WDR17: variants seen among roughly 807,000 people sequenced by gnomAD.
WDR17 encodes WD repeat-containing protein 17.
Under a neutral mutation model 161.7 loss-of-function variants are expected in WDR17, and 143 were observed. The observed-to-expected ratio is 0.88, with a 90% CI of 0.77 to 1.02. WDR17 has a LOEUF of 1.02. Ranked by LOEUF, WDR17 falls within the 50% of genes least tolerant of loss-of-function variation. WDR17 has a pLI of 0.00. For missense variants in WDR17, 1,469 were observed against 1,520.9 expected, an observed-to-expected ratio of 0.97 and a Z score of 0.57; for synonymous variants, 517 against 515.6, an observed-to-expected ratio of 1.00 and a Z score of -0.04.
At position 176,076,330 on chromosome 4, in the gene WDR17, T is replaced by C. The variant is rs147588627; in HGVS notation, c.-7+10251T>C. The stretch of plus-strand genomic sequence containing the variant: ...TGTATATATTTAAGCAAAATATGTA[T>C]ATTGCTTAAAACAAAAGCACTTTTG... On this transcript the variant is annotated intron_variant, in intron 1 of 28. Transcript: ENST00000508596. 3.8e-3 allele frequency among the ~76,000 whole-genome samples: 554 copies of C among 146,020 alleles called. 7 individuals carry two copies. Among genetic ancestry groups the C allele is most frequent in the African/African-American group, 0.013 (536 of 39,906 alleles).
At chr4:176,112,495 C>T (rs6850091) in intron 2 of WDR17, among the ~76,000 whole-genome samples, 32,248 of 152,064 alleles carry the variant, frequency 0.21, 3,614 homozygotes, top group South Asian at 0.27. Flanking sequence ...CTTCCTGCCT[C>T]TCTCTTACTC....
At chr4:176,100,284 G>A (rs540806839) in intron 1 of WDR17, among the ~76,000 whole-genome samples, 1 of 152,106 alleles carries the variant, frequency 6.6e-6, no homozygotes, top group East Asian at 1.9e-4. Context: ...CTGAGTGGTG[G>A]AAGATTATAT....
intron 6 of WDR17, among the ~76,000 whole-genome samples, chr4:176,130,744 C>CAA (rs1241265294): frequency 1.4e-3 from 98 of 71,818 alleles, no homozygotes; most frequent in African/African-American, 3.2e-3. Context: ...GACTCCGTCT[C>CAA]AAAAAAAAAA....
At chr4:176,158,246 A>C (rs1748468761) in intron 18 of WDR17, among the ~76,000 whole-genome samples, 1 of 152,198 alleles carries the variant, frequency 6.6e-6, no homozygotes, top group Admixed American at 6.5e-5. Flanking sequence ...GTTAGAAGGC[A>C]ATTAGAATAG....
At chr4:176,130,081 G>A (rs974893998) in intron 6 of WDR17, among the ~76,000 whole-genome samples, 1 of 151,840 alleles carries the variant, frequency 6.6e-6, no homozygotes, top group African/African-American at 2.4e-5. Flanking sequence ...CCTCTTCTTT[G>A]ACTTCTAGGT....
At chr4:176,092,351 C>T (rs1736236508) in intron 1 of WDR17, among the ~76,000 whole-genome samples, 1 of 135,950 alleles carries the variant, frequency 7.4e-6, no homozygotes, top group African/African-American at 2.5e-5. Context: ...ACCATATGAT[C>T]ATTTCAATTG....
At chr4:176,163,024 C>A in intron 21 of WDR17, 130 bp from the exon 22 acceptor site, 2 of 1,150,966 alleles carry the variant, frequency 1.7e-6, no homozygotes, top group Non-Finnish European at 2.5e-6. Flanking sequence ...AGGAATATTA[C>A]AGTCAATATT....
chr4:176,151,529 TATC>T (rs1445679522), intron 16 of WDR17, among the ~76,000 whole-genome samples: 2 of 152,224 alleles, frequency 1.3e-5, no homozygotes, highest in Admixed American at 6.5e-5. Flanking sequence ...GATCATCTGT[TATC>T]ATGAACTCTT....
rs892053466 is a variant in WDR17 at position 176,141,838 on chromosome 4, A to G, written c.1443-145A>G. On this transcript the variant is annotated intron_variant, in intron 10 of 28. Coordinates refer to ENST00000508596, the MANE Select transcript of WDR17 (RefSeq NM_181265.4). ...TACTTATAATTGGTAACATTTATAC[A>G]GTACTTTCAAATGTTCTTTTTGCTT... 3 of 598,612 alleles carry G rather than the reference A, an allele frequency of 5.0e-6. No homozygotes were observed. The Admixed American group carries it at 9.4e-5, about 19-fold the overall frequency. The allele number at this position is 598,612 out of a possible 1,614,324, so 37.1% of individuals were successfully genotyped here.
chr4:176,133,217 A>G (rs1282744565), intron 7 of WDR17, among the ~76,000 whole-genome samples: 2 of 141,258 alleles, frequency 1.4e-5, no homozygotes, highest in Non-Finnish European at 3.1e-5. Context: ...CTATTTAATT[A>G]CAAGCAAAGT....
intron 16 of WDR17, 96 bp downstream of exon 16, chr4:176,150,689 T>G (rs1212430391): frequency 7.9e-7 from 1 of 1,267,092 alleles, no homozygotes; most frequent in African/African-American, 1.5e-5. Context: ...TATGATTAGA[T>G]CGGTAGATTT....
rs926064269 is a variant in WDR17 at position 176,096,415 on chromosome 4, A to G, written c.-6-15160A>G. On this transcript the variant is annotated intron_variant, in intron 1 of 28. Coordinates refer to ENST00000508596, the MANE Select transcript of WDR17 (RefSeq NM_181265.4). ...TGTACTGAACATCATTTCACAAGGGAGATTTTGGTAAATCTTGTTTGGTTG... is the reference window on the plus strand; with the variant it reads ...TGTACTGAACATCATTTCACAAGGGGGATTTTGGTAAATCTTGTTTGGTTG... 3.7e-6 allele frequency: 3 copies of G among 802,116 alleles called. No homozygotes were observed. The African/African-American group carries it at 5.3e-5, about 14-fold the overall frequency. 49.7% of individuals were successfully genotyped at this position (802,116 alleles called of 1,614,324 possible).
chr4:176,114,460 C>T (rs1740271526), intron 2 of WDR17, among the ~76,000 whole-genome samples: 1 of 152,062 alleles, frequency 6.6e-6, no homozygotes, highest in Admixed American at 6.6e-5. Context: ...TTCACTGCAG[C>T]ATTATCTGCG....
At chr4:176,080,362 TGGA>T (rs1335219422) in intron 1 of WDR17, among the ~76,000 whole-genome samples, 1 of 148,162 alleles carries the variant, frequency 6.7e-6, no homozygotes, top group African/African-American at 2.5e-5. Flanking sequence ...AGAACCGGTG[TGGA>T]GAAGAAATCC....
intron 9 of WDR17, 34 bp downstream of exon 9, chr4:176,137,645 T>A: frequency 8.1e-7 from 1 of 1,234,896 alleles, no homozygotes; most frequent in Non-Finnish European, 1.1e-6. Context: ...AATAATATAA[T>A]GTTTTATACT....
chr4:176,095,118 A>T (rs2126639964), intron 1 of WDR17, among the ~76,000 whole-genome samples: 1 of 152,244 alleles, frequency 6.6e-6, no homozygotes, highest in South Asian at 2.1e-4. Context: ...AGTAGGGTAA[A>T]AAAAGCTGAT....
intron 1 of WDR17, among the ~76,000 whole-genome samples, chr4:176,108,067 C>T (rs1739081207): frequency 6.6e-6 from 1 of 151,796 alleles, no homozygotes; most frequent in Non-Finnish European, 1.5e-5. Context: ...AAGACAGGGT[C>T]TCTTTCTATC....
At chr4:176,148,434 T>A (rs1183919098) in intron 13 of WDR17, 99 bp downstream of exon 13, 25 of 1,027,540 alleles carry the variant, frequency 2.4e-5, no homozygotes, top group Non-Finnish European at 3.0e-5. Context: ...AGTTATACAG[T>A]GTTTTATTTT....
intron 1 of WDR17, among the ~76,000 whole-genome samples, chr4:176,066,645 GAACA>G (rs913829158): frequency 3.3e-5 from 5 of 152,122 alleles, no homozygotes; most frequent in East Asian, 3.9e-4. Context: ...AGATTGAAAG[GAACA>G]AACAATTTAA....
Sources: gnomAD v4.1 joint callset for allele counts (sites outside exome capture counted in the v4.1 genomes callset) on GRCh38, gnomAD v4.1.1 for gene constraint, MANE v1.5 for transcripts, NCBI Gene and HGNC (gene_info 2026-07-23, HGNC 2026-07-21) for gene names.